The following BDP1 variants were observed in gnomAD, a reference collection of about 807,000 sequenced individuals.
BDP1 encodes transcription factor TFIIIB component B'' homolog.
Under a neutral mutation model 266.6 loss-of-function variants are expected in BDP1, and 169 were observed. The observed-to-expected ratio is 0.63, with a 90% CI of 0.56 to 0.72. The LOEUF (loss-of-function observed/expected upper bound fraction) is 0.72, where lower values mean the gene tolerates loss of function less well. BDP1 is among the 30% of genes least tolerant of loss of function. The pLI, the probability that BDP1 is intolerant of heterozygous loss-of-function variation, is 0.00. For missense variants in BDP1, 3,015 were observed against 3,053.8 expected (o/e 0.99, Z 0.30); for synonymous variants, 1,090 against 1,022.4 (o/e 1.07, Z -1.26).
At chr5:71,558,851 A>C (rs1180561398) in intron 36 of BDP1, among the ~76,000 whole-genome samples, 1 of 149,330 alleles carries the variant, frequency 6.7e-6, no homozygotes, top group Non-Finnish European at 1.5e-5. Flanking sequence ...AAAACAACAA[A>C]AAAACCCCAC....
chr5:71,551,984 G>A (rs1742813707), intron 34 of BDP1, among the ~76,000 whole-genome samples: 2 of 150,514 alleles, frequency 1.3e-5, no homozygotes, highest in African/African-American at 4.9e-5. Flanking sequence ...GGACGGGGCG[G>A]CTGGCCTGGC....
chr5:71,577,619 G>A, the BDP1 span, among the ~76,000 whole-genome samples: 3 of 152,296 alleles, frequency 2.0e-5, no homozygotes, highest in African/African-American at 7.2e-5. Flanking sequence ...TTTCACATCC[G>A]ACATCACCTT....
chr5:71,540,120 C>T (rs2150559660), intron 28 of BDP1, among the ~76,000 whole-genome samples: 1 of 152,238 alleles, frequency 6.6e-6, no homozygotes, highest in South Asian at 2.1e-4. Flanking sequence ...TCAGTTTGGA[C>T]AGAGCCAAAA....
chr5:71,557,158 A>G (rs966455792), intron 36 of BDP1, among the ~76,000 whole-genome samples: 8 of 152,118 alleles, frequency 5.3e-5, no homozygotes, highest in African/African-American at 1.9e-4. Flanking sequence ...AGGATTTTCT[A>G]TGTAAGCTCA....
Position 71,491,118 on chromosome 5 carries a change from A to G in BDP1, c.1627A>G (p.Ile543Val), listed in dbSNP as rs574354794. Residue 543 changes from isoleucine (I) to valine (V), a missense_variant, in exon 11 of 39, where the codon ATC (isoleucine) becomes GTC (valine). Transcript: ENST00000358731. ...TEKVEKRTDPILSLSNQQDAT... is the reference protein window; with the variant it reads ...TEKVEKRTDPVLSLSNQQDAT... ...AAAAGTTGAGAAAAGAACTGACCCC[A>G]TCCTTTCATTAAGGTATTTTCTGTG... 1 of 1,613,726 alleles carries G rather than the reference A, an allele frequency of 6.2e-7. No homozygotes were observed. Among genetic ancestry groups the G allele is most frequent in the South Asian group, 1.1e-5 (1 of 90,940 alleles).
At chr5:71,532,921 G>C (rs1766343310) in intron 26 of BDP1, among the ~76,000 whole-genome samples, 1 of 152,140 alleles carries the variant, frequency 6.6e-6, no homozygotes, top group African/African-American at 2.4e-5. Flanking sequence ...CTTATTAGCA[G>C]TCACTACTCC....
Position 71,501,577 on chromosome 5 carries a change from G to C in BDP1, c.1972G>C (p.Asp658His). The part of the protein sequence containing the change: ...TSVEKNHVEK[D>H]KMNTLDILRM... ...AAATTCACAGAACCACGTGGAAAAA[G>C]ATAAAATGAATACATTGGACATTTT... Residue 658 changes from aspartate to histidine, a missense_variant, in exon 14 of 39, where the codon GAT becomes CAT. Physicochemically the swap from Asp to His is moderately conservative, Grantham distance 81. Transcript: ENST00000358731. 6.3e-7 allele frequency: 1 copy of C among 1,580,632 alleles called. No homozygotes were observed. The highest frequency in any genetic ancestry group is 1.1e-5 in the South Asian group (1 of 89,282).
intron 2 of BDP1, among the ~76,000 whole-genome samples, chr5:71,461,217 C>T (rs947502570): frequency 1.3e-5 from 2 of 151,900 alleles, no homozygotes; most frequent in Admixed American, 6.6e-5. Flanking sequence ...TGAGCTCAAG[C>T]GATCCTCCTG....
chr5:71,480,282 T>C (rs1762868350), intron 7 of BDP1, among the ~76,000 whole-genome samples: 1 of 42,560 alleles, frequency 2.3e-5, no homozygotes, highest in African/African-American at 8.4e-5. Context: ...AGCTAATTTT[T>C]TTTTTTTTTT....
Position 71,517,201 on chromosome 5 carries a change from A to G in BDP1, c.4861-121A>G, listed in dbSNP as rs1015459519. The G allele has an allele frequency of 5.7e-6, 5 of 875,342 alleles. No individual in the cohort carries two copies. The Admixed American group carries it at 1.4e-4, about 24-fold the overall frequency. 54.2% of individuals were successfully genotyped at this position (875,342 alleles called of 1,614,324 possible). On this transcript the variant is annotated intron_variant, in intron 21 of 38. Coordinates refer to ENST00000358731, the MANE Select transcript of BDP1 (RefSeq NM_018429.3). ...GTATGATGAGACTATCTCAAAATGC[A>G]TAAATAAAAATTTAAAAAAGAAAAG...
In BDP1 at chr5:71,497,365, T is replaced by C; in HGVS notation, c.1895T>C (p.Leu632Pro). Residue 632 changes from leucine to proline, a missense_variant, in exon 13 of 39, where the codon CTT becomes CCT. By Grantham distance (98) the Leu-to-Pro change is moderately conservative (BLOSUM62 -3). Coordinates refer to ENST00000358731, the MANE Select transcript of BDP1 (RefSeq NM_018429.3). Reference protein sequence around the residue: ...NLSRAGKKSVLSQGKTESESK... With the variant: ...NLSRAGKKSVPSQGKTESESK... The stretch of plus-strand genomic sequence containing the variant: ...TCAAGGGCTGGGAAGAAATCAGTTC[T>C]TTCACAAGGCAAAACAGAGTCAGAG... 2 of 1,613,778 alleles carry C rather than the reference T, an allele frequency of 1.2e-6. No individual in the cohort carries two copies. Among genetic ancestry groups the C allele is most frequent in the Non-Finnish European group, 1.7e-6 (2 of 1,179,914 alleles).
intron 25 of BDP1, among the ~76,000 whole-genome samples, chr5:71,531,262 A>G (rs1231750298): frequency 6.6e-6 from 1 of 152,184 alleles, no homozygotes; most frequent in African/African-American, 2.4e-5. Context: ...CAGAATAACA[A>G]AAGAAAAACA....
chr5:71,541,991 T>G (rs1336397485), intron 29 of BDP1, 114 bp from the exon 30 acceptor site: 3 of 802,962 alleles, frequency 3.7e-6, no homozygotes, highest in Non-Finnish European at 5.8e-6. Flanking sequence ...TGAACACTTG[T>G]AGACAGTGTG....
In BDP1 at chr5:71,489,595, C is replaced by G. The variant is rs936546927; in HGVS notation, c.1405C>G (p.Gln469Glu). 1.9e-6 allele frequency: 3 copies of G among 1,613,870 alleles called. No homozygotes were observed. In the African/African-American group the frequency reaches 4.0e-5, roughly 22 times the overall value. Residue 469 changes from glutamine (Q) to glutamate (E), a missense_variant, in exon 10 of 39, where the codon CAA becomes GAA. This residue lies in a region of BDP1 where 2,383 missense variants were observed against 2,404.9 expected (regional missense o/e 0.99). Transcript: ENST00000358731. ...LNQKKRRRKK[Q>E]DGANELGVNN... is the part of the protein sequence containing the mutation. ...TCAAAAGAAAAGAAGGAGGAAGAAG[C>G]AAGATGGAGCTAATGAACTGGGAGT... is the stretch of plus-strand genomic sequence containing the variant.
chr5:71,457,891 C>T (rs560333943), intron 1 of BDP1, among the ~76,000 whole-genome samples: 1 of 152,146 alleles, frequency 6.6e-6, no homozygotes, highest in South Asian at 2.1e-4. Context: ...ATTTATAGAC[C>T]ATTCCTGAAA....
chr5:71,568,286 G>T (rs566145209), downstream of BDP1, among the ~76,000 whole-genome samples: 2 of 152,310 alleles, frequency 1.3e-5, no homozygotes, highest in South Asian at 4.1e-4. Context: ...TCCTGAATCT[G>T]CTGGAGAGCC....
intron 9 of BDP1, among the ~76,000 whole-genome samples, chr5:71,488,163 T>A (rs578124775): frequency 2.0e-5 from 3 of 152,292 alleles, no homozygotes; most frequent in African/African-American, 7.2e-5. Flanking sequence ...TCTCACTTTG[T>A]TGCCCAGGCT....
At chr5:71,563,683 C>T (rs989737888) in intron 38 of BDP1, among the ~76,000 whole-genome samples, 1 of 152,198 alleles carries the variant, frequency 6.6e-6, no homozygotes, top group Admixed American at 6.5e-5. Flanking sequence ...GAGGCCAAGG[C>T]GGGCAGATCA....
chr5:71,520,174 T>C (rs1765426628), intron 22 of BDP1, among the ~76,000 whole-genome samples: 1 of 152,146 alleles, frequency 6.6e-6, no homozygotes, highest in Non-Finnish European at 1.5e-5. Flanking sequence ...TGCTATTGAG[T>C]TGTTTTTGTT....
Sources: allele counts gnomAD v4.1 joint callset (sites outside exome capture counted in the v4.1 genomes callset), GRCh38; gene constraint gnomAD v4.1.1; regional missense constraint gnomAD v4.1.1; transcripts MANE v1.5; gene names NCBI Gene and HGNC (gene_info 2026-07-23, HGNC 2026-07-21).